AUTS2: variants seen among roughly 807,000 people sequenced by gnomAD.
AUTS2 encodes activator of transcription and developmental regulator AUTS2, also known as autism susceptibility gene 2 protein.
Under a neutral mutation model 112.4 loss-of-function variants are expected in AUTS2, and 17 were observed. That is an observed-to-expected ratio of 0.15 (90% CI 0.10 to 0.23). AUTS2 has a LOEUF of 0.23. AUTS2 is among the 10% of genes least tolerant of loss of function. The probability of loss-of-function intolerance (pLI) is 1.00; values close to 1 mark genes in which losing one functional copy is unlikely to be tolerated. For missense variants in AUTS2, 1,510 were observed against 1,701.6 expected (o/e 0.89, Z 1.98); for synonymous variants, 751 against 702.7 (o/e 1.07, Z -1.09).
At chr7:70,581,214 T>C (rs2129527164) in intron 5 of AUTS2, among the ~76,000 whole-genome samples, 1 of 152,084 alleles carries the variant, frequency 6.6e-6, no homozygotes, top group East Asian at 1.9e-4. Flanking sequence ...GAAACCCCCA[T>C]CTCTACTAAA....
chr7:70,744,775 C>A (rs1244320561), intron 6 of AUTS2, among the ~76,000 whole-genome samples: 5 of 152,162 alleles, frequency 3.3e-5, no homozygotes, highest in Non-Finnish European at 7.4e-5. Flanking sequence ...CGTGAGCCCC[C>A]CTTGGCAGCC....
chr7:69,627,125 G>C (rs1180292881), intron 1 of AUTS2, among the ~76,000 whole-genome samples: 1 of 152,166 alleles, frequency 6.6e-6, no homozygotes, highest in Admixed American at 6.5e-5. Flanking sequence ...TAGAAGGAAT[G>C]GGTTTATGTA....
At chr7:70,636,504 C>G (rs1297293114) in intron 5 of AUTS2, among the ~76,000 whole-genome samples, 1 of 152,130 alleles carries the variant, frequency 6.6e-6, no homozygotes, top group African/African-American at 2.4e-5. Context: ...TTCAAGTCCC[C>G]CTCTTATGGA....
chr7:69,738,037 G>A (rs1475119515), intron 1 of AUTS2, among the ~76,000 whole-genome samples: 1 of 148,844 alleles, frequency 6.7e-6, no homozygotes, highest in Admixed American at 6.7e-5. Context: ...TTTTTTTTTT[G>A]CTGAGGTTCT....
intron 2 of AUTS2, among the ~76,000 whole-genome samples, chr7:70,065,576 A>G (rs1265830390): frequency 1.3e-5 from 2 of 152,082 alleles, no homozygotes; most frequent in Non-Finnish European, 2.9e-5. Context: ...CCATGCCTGT[A>G]ATACCAGCTA....
At chr7:70,186,551 T>G (rs1809614376) in intron 4 of AUTS2, among the ~76,000 whole-genome samples, 1 of 152,192 alleles carries the variant, frequency 6.6e-6, no homozygotes, top group African/African-American at 2.4e-5. Context: ...ATATCTAACA[T>G]ACTACATTAA....
At chr7:70,773,885 C>T in intron 11 of AUTS2, 143 bp from the exon 12 acceptor site, 1 of 745,992 alleles carries the variant, frequency 1.3e-6, no homozygotes, top group South Asian at 1.7e-5. Flanking sequence ...CATGTGTGGT[C>T]CCTGAGAAAA....
chr7:70,623,821 C>G (rs1026172497), intron 5 of AUTS2, among the ~76,000 whole-genome samples: 1 of 152,222 alleles, frequency 6.6e-6, no homozygotes, highest in Non-Finnish European at 1.5e-5. Flanking sequence ...TTCTGGCCCT[C>G]CAAAATATGG....
intron 1 of AUTS2, among the ~76,000 whole-genome samples, chr7:69,642,011 TTTTC>T (rs990372478): frequency 2.0e-5 from 3 of 152,192 alleles, no homozygotes; most frequent in African/African-American, 7.2e-5. Flanking sequence ...TTGTAGTTAA[TTTTC>T]TTTGTGACCT....
intron 1 of AUTS2, among the ~76,000 whole-genome samples, chr7:69,645,514 G>A (rs1794985219): frequency 6.6e-6 from 1 of 152,146 alleles, no homozygotes. Flanking sequence ...CTTACCTTTT[G>A]TACAAAGTCA....
At chr7:69,730,606 C>G (rs538041498) in intron 1 of AUTS2, among the ~76,000 whole-genome samples, 122 of 152,280 alleles carry the variant, frequency 8.0e-4, no homozygotes, top group African/African-American at 2.8e-3. Flanking sequence ...GTTTGCTCAT[C>G]TATAAAGCTG....
chr7:70,409,141 G>A (rs896043358), intron 4 of AUTS2, among the ~76,000 whole-genome samples: 2 of 152,098 alleles, frequency 1.3e-5, no homozygotes, highest in African/African-American at 4.8e-5. Context: ...TGTGACAACG[G>A]TACCAAAGAA....
intron 1 of AUTS2, among the ~76,000 whole-genome samples, chr7:69,770,327 C>A (rs566365765): frequency 6.6e-6 from 1 of 152,362 alleles, no homozygotes; most frequent in African/African-American, 2.4e-5. Context: ...AGACATTTAG[C>A]AAATGCGTAT....
At chr7:70,504,994 T>C (rs1352734356) in intron 5 of AUTS2, among the ~76,000 whole-genome samples, 1 of 152,196 alleles carries the variant, frequency 6.6e-6, no homozygotes, top group Non-Finnish European at 1.5e-5. Flanking sequence ...AAAAGCTGCC[T>C]CTGAACAGAC....
At chr7:70,226,881 A>T (rs1375904601) in intron 4 of AUTS2, among the ~76,000 whole-genome samples, 2 of 152,200 alleles carry the variant, frequency 1.3e-5, no homozygotes, top group African/African-American at 4.8e-5. Context: ...TTGTGTTGAA[A>T]TGAATTTGAG....
intron 5 of AUTS2, among the ~76,000 whole-genome samples, chr7:70,466,225 G>A (rs1797161828): frequency 6.6e-6 from 1 of 152,118 alleles, no homozygotes; most frequent in African/African-American, 2.4e-5. Flanking sequence ...AATGAAACAA[G>A]CTGATATGGA....
intron 6 of AUTS2, among the ~76,000 whole-genome samples, chr7:70,711,851 G>A (rs1227810114): frequency 2.0e-5 from 3 of 152,122 alleles, no homozygotes; most frequent in African/African-American, 4.8e-5. Flanking sequence ...CGGTGACCCT[G>A]GCGAAAACTA....
intron 2 of AUTS2, among the ~76,000 whole-genome samples, chr7:70,073,510 C>CA (rs778228658): frequency 0.033 from 2,136 of 64,936 alleles, 40 homozygotes; most frequent in African/African-American, 0.076. Flanking sequence ...GACCTCATCT[C>CA]AAAAAAAAAA....
intron 5 of AUTS2, among the ~76,000 whole-genome samples, chr7:70,679,547 A>T (rs1011601195): frequency 1.3e-5 from 2 of 151,832 alleles, no homozygotes; most frequent in African/African-American, 4.8e-5. Flanking sequence ...GATCTGACCT[A>T]TTGAGGCCAC....
Sources: gnomAD v4.1 joint callset for allele counts (sites outside exome capture counted in the v4.1 genomes callset) on GRCh38, gnomAD v4.1.1 for gene constraint, MANE v1.5 for transcripts, NCBI Gene and HGNC (gene_info 2026-07-23, HGNC 2026-07-21) for gene names.